The following ADK variants were observed in gnomAD, a reference collection of about 807,000 sequenced individuals.
ADK encodes the protein adenosine kinase, also known as N6,N6-dimethyladenosine kinase.
Under a neutral mutation model 44.7 loss-of-function variants are expected in ADK, and 24 were observed. That is an observed-to-expected ratio of 0.54 (90% CI 0.39 to 0.76). The LOEUF (loss-of-function observed/expected upper bound fraction) is 0.76. ADK is among the 30% of genes least tolerant of loss of function. The pLI is 0.00. For missense variants in ADK, 321 were observed against 425.1 expected, an observed-to-expected ratio of 0.76 and a Z score of 2.15; for synonymous variants, 128 against 142.6, an observed-to-expected ratio of 0.90 and a Z score of 0.73.
chr10:74,324,352 A>T (rs765538539), intron 4 of ADK, among the ~76,000 whole-genome samples: 4 of 152,120 alleles, frequency 2.6e-5, no homozygotes, highest in Non-Finnish European at 4.4e-5. Flanking sequence ...TCAAAAACTT[A>T]TTCATGTATG....
At chr10:74,625,001 A>G (rs1037640829) in intron 9 of ADK, among the ~76,000 whole-genome samples, 1 of 152,138 alleles carries the variant, frequency 6.6e-6, no homozygotes, top group Non-Finnish European at 1.5e-5. Context: ...ATACTTATAG[A>G]TAATGCAGTA....
chr10:74,651,771 C>G (rs1039039634), intron 9 of ADK, among the ~76,000 whole-genome samples: 1 of 152,214 alleles, frequency 6.6e-6, no homozygotes, highest in South Asian at 2.1e-4. Context: ...TCTCATTAGC[C>G]AATCTGAGCA....
chr10:74,640,928 G>A (rs1229385932), intron 9 of ADK, among the ~76,000 whole-genome samples: 1 of 152,080 alleles, frequency 6.6e-6, no homozygotes, highest in African/African-American at 2.4e-5. Context: ...TTAAAGCGTA[G>A]GCAAATATAA....
intron 7 of ADK, among the ~76,000 whole-genome samples, chr10:74,547,185 G>A (rs1391552236): frequency 6.6e-6 from 1 of 151,914 alleles, no homozygotes; most frequent in Non-Finnish European, 1.5e-5. Context: ...CTAAATATAT[G>A]TGCTTAACCA....
At chr10:74,155,088 C>T (rs551828044) in intron 1 of ADK, among the ~76,000 whole-genome samples, 1 of 152,326 alleles carries the variant, frequency 6.6e-6, no homozygotes, top group East Asian at 1.9e-4. Flanking sequence ...TCAGCAAATG[C>T]TGAGCTTTTC....
At chr10:74,207,596 G>T (rs1843650870) in intron 2 of ADK, among the ~76,000 whole-genome samples, 1 of 152,152 alleles carries the variant, frequency 6.6e-6, no homozygotes, top group Non-Finnish European at 1.5e-5. Flanking sequence ...GACCCCGAGG[G>T]GGTAACTCCT....
intron 3 of ADK, among the ~76,000 whole-genome samples, chr10:74,313,857 C>A (rs1339030318): frequency 6.6e-6 from 1 of 151,632 alleles, no homozygotes; most frequent in Non-Finnish European, 1.5e-5. Context: ...TTTCTATCTA[C>A]TTTTTTGGTC....
intron 2 of ADK, among the ~76,000 whole-genome samples, chr10:74,203,729 G>A (rs373911291): frequency 8.6e-5 from 13 of 151,058 alleles, no homozygotes; most frequent in Admixed American, 4.0e-4. Flanking sequence ...AAGTCAGGAA[G>A]TGTCAGTCCT....
At chr10:74,570,089 T>C (rs1217247154) in intron 7 of ADK, among the ~76,000 whole-genome samples, 1 of 152,058 alleles carries the variant, frequency 6.6e-6, no homozygotes, top group African/African-American at 2.4e-5. Flanking sequence ...GTTGTAGATA[T>C]GCGGCGTTAT....
chr10:74,386,181 G>C (rs996696516), intron 4 of ADK, among the ~76,000 whole-genome samples: 46 of 152,066 alleles, frequency 3.0e-4, no homozygotes, highest in African/African-American at 1.1e-3. Context: ...CAGTCTGCTT[G>C]TTGCTGTTTC....
chr10:74,412,520 TGA>T (rs1371009609), intron 6 of ADK, among the ~76,000 whole-genome samples: 1 of 152,190 alleles, frequency 6.6e-6, no homozygotes, highest in East Asian at 1.9e-4. Flanking sequence ...ACCCATCAGA[TGA>T]GTCACTATGG....
intron 6 of ADK, among the ~76,000 whole-genome samples, chr10:74,406,538 G>T (rs61859807): frequency 0.6 from 80,812 of 134,838 alleles, 24,809 homozygotes; most frequent in Middle Eastern, 0.79. Flanking sequence ...AGAAGAAGAA[G>T]AAGAAGAAGA....
chr10:74,252,146 G>T (rs1845674738), intron 3 of ADK, among the ~76,000 whole-genome samples: 1 of 152,016 alleles, frequency 6.6e-6, no homozygotes, highest in Non-Finnish European at 1.5e-5. Flanking sequence ...ATCTAGATGG[G>T]TTCTTGGAAT....
intron 6 of ADK, among the ~76,000 whole-genome samples, chr10:74,435,410 G>A (rs547123902): frequency 2.1e-4 from 32 of 152,154 alleles, no homozygotes; most frequent in Non-Finnish European, 4.0e-4. Context: ...AAAATGTTGT[G>A]TGTTATCCAC....
chr10:74,318,257 G>A (rs552650253), intron 4 of ADK, among the ~76,000 whole-genome samples: 4 of 152,036 alleles, frequency 2.6e-5, no homozygotes, highest in East Asian at 1.9e-4. Flanking sequence ...GAACTGCTGC[G>A]CTCACAGGGT....
intron 7 of ADK, among the ~76,000 whole-genome samples, chr10:74,532,491 A>AAC (rs398038461): frequency 6.6e-6 from 1 of 150,706 alleles, no homozygotes; most frequent in African/African-American, 2.4e-5. Context: ...AAAAAAAAAA[A>AAC]CCCTTGGAAT....
intron 1 of ADK, among the ~76,000 whole-genome samples, chr10:74,158,185 A>T (rs1007311407): frequency 2.0e-5 from 3 of 151,810 alleles, no homozygotes; most frequent in Non-Finnish European, 4.4e-5. Context: ...TATGAGGTTT[A>T]AAAAAAAACT....
intron 1 of ADK, among the ~76,000 whole-genome samples, chr10:74,185,307 T>G (rs1341005158): frequency 6.6e-6 from 1 of 152,156 alleles, no homozygotes; most frequent in African/African-American, 2.4e-5. Flanking sequence ...TAAGGTTTTC[T>G]GCGGGGAGGT....
intron 3 of ADK, among the ~76,000 whole-genome samples, chr10:74,244,118 C>A (rs77544996): frequency 0.018 from 2,730 of 152,226 alleles, 44 homozygotes; most frequent in Non-Finnish European, 0.026. Flanking sequence ...AATGTTGCAA[C>A]CTTGGTTCAA....
Sources: allele counts gnomAD v4.1 joint callset (sites outside exome capture counted in the v4.1 genomes callset), GRCh38; gene constraint gnomAD v4.1.1; transcripts MANE v1.5; gene names NCBI Gene and HGNC (gene_info 2026-07-23, HGNC 2026-07-21).